MAGI3: variants seen among roughly 807,000 people sequenced by gnomAD.
The protein encoded by MAGI3 is membrane-associated guanylate kinase, WW and PDZ domain-containing protein 3.
In MAGI3, 43 loss-of-function variants were observed where a neutral mutation model predicts 121.8. The ratio of observed to expected loss-of-function variants is 0.35; its 90% CI spans 0.28 to 0.46. The LOEUF (loss-of-function observed/expected upper bound fraction) is 0.46. MAGI3 is among the 20% of genes least tolerant of loss of function. The pLI, the probability that MAGI3 is intolerant of heterozygous loss-of-function variation, is 1.00. For missense variants in MAGI3, 1,547 were observed against 1,797.3 expected (o/e 0.86, Z 2.52); for synonymous variants, 553 against 639.3 (o/e 0.86, Z 2.04).
At chr1:113,455,581 C>T (rs777423494) in intron 1 of MAGI3, among the ~76,000 whole-genome samples, 7 of 152,016 alleles carry the variant, frequency 4.6e-5, no homozygotes, top group Non-Finnish European at 1.0e-4. Flanking sequence ...ATACTGTTCT[C>T]TTTTGCACCA....
At chr1:113,458,742 C>A (rs867968941) in intron 1 of MAGI3, among the ~76,000 whole-genome samples, 1 of 152,138 alleles carries the variant, frequency 6.6e-6, no homozygotes, top group African/African-American at 2.4e-5. Context: ...GGCTGGAATG[C>A]AGTGGCACAA....
chr1:113,542,695 A>G (rs1020965501), intron 1 of MAGI3, among the ~76,000 whole-genome samples: 1 of 152,208 alleles, frequency 6.6e-6, no homozygotes, highest in Non-Finnish European at 1.5e-5. Context: ...TGTACTCTAT[A>G]AGCTTATGCA....
chr1:113,595,523 A>G (rs561327689), intron 6 of MAGI3, among the ~76,000 whole-genome samples: 2,620 of 111,462 alleles, frequency 0.024, 89 homozygotes, highest in African/African-American at 0.1. Context: ...AGTCCAATCT[A>G]TAAAAAGAAA....
At chr1:113,636,023 T>C (rs1236870370) in intron 9 of MAGI3, among the ~76,000 whole-genome samples, 5 of 152,190 alleles carry the variant, frequency 3.3e-5, no homozygotes, top group Admixed American at 6.5e-5. Flanking sequence ...TAGAGGTGTT[T>C]GTAGTATTCT....
chr1:113,446,243 G>A (rs1654173674), intron 1 of MAGI3, among the ~76,000 whole-genome samples: 2 of 152,150 alleles, frequency 1.3e-5, no homozygotes, highest in Non-Finnish European at 2.9e-5. Flanking sequence ...CAGCCAAAAG[G>A]GGAGGAAATG....
intron 1 of MAGI3, among the ~76,000 whole-genome samples, chr1:113,522,411 A>T (rs1031197502): frequency 6.6e-6 from 1 of 152,162 alleles, no homozygotes; most frequent in Non-Finnish European, 1.5e-5. Flanking sequence ...GGCCTGTCAT[A>T]TACTTTTTTA....
intron 1 of MAGI3, among the ~76,000 whole-genome samples, chr1:113,432,296 TGTTA>T (rs1653339191): frequency 6.6e-6 from 1 of 152,244 alleles, no homozygotes; most frequent in African/African-American, 2.4e-5. Flanking sequence ...CTTTTTATCA[TGTTA>T]GTTACCTTCA....
intron 7 of MAGI3, among the ~76,000 whole-genome samples, chr1:113,617,638 T>C (rs1232479335): frequency 3.9e-5 from 6 of 152,218 alleles, no homozygotes; most frequent in African/African-American, 9.6e-5. Flanking sequence ...ACTTTTTATG[T>C]TCTAATGCCT....
chr1:113,567,373 C>G (rs953850922), intron 2 of MAGI3, among the ~76,000 whole-genome samples: 9 of 152,042 alleles, frequency 5.9e-5, no homozygotes, highest in Middle Eastern at 3.2e-3. Context: ...CAGTCCTTCT[C>G]AAATTCTTCC....
At chr1:113,421,172 A>G (rs552556037) in intron 1 of MAGI3, among the ~76,000 whole-genome samples, 2 of 152,220 alleles carry the variant, frequency 1.3e-5, no homozygotes, top group East Asian at 1.9e-4. Flanking sequence ...CTATTTAAGT[A>G]TGACTTACTA....
At chr1:113,473,924 A>G (rs1048368436) in intron 1 of MAGI3, among the ~76,000 whole-genome samples, 3 of 152,082 alleles carry the variant, frequency 2.0e-5, no homozygotes, top group Non-Finnish European at 4.4e-5. Flanking sequence ...CCTCTCCACC[A>G]TCTGTTGTTT....
chr1:113,674,323 C>T, intron 19 of MAGI3, among the ~76,000 whole-genome samples: 1 of 143,272 alleles, frequency 7.0e-6, no homozygotes, highest in East Asian at 2.1e-4. Context: ...ACCTGGGAGG[C>T]AGAGGTCGGA....
At chr1:113,468,756 AAAT>A (rs987217809) in intron 1 of MAGI3, among the ~76,000 whole-genome samples, 3 of 152,346 alleles carry the variant, frequency 2.0e-5, no homozygotes, top group Admixed American at 2.0e-4. Flanking sequence ...TAAATTATTA[AAAT>A]AATTTCACCT....
At chr1:113,659,916 C>G (rs912853402) in intron 16 of MAGI3, among the ~76,000 whole-genome samples, 3 of 152,132 alleles carry the variant, frequency 2.0e-5, no homozygotes, top group Non-Finnish European at 4.4e-5. Context: ...ATGTAATGCT[C>G]TCATTTTTCC....
At chr1:113,649,404 G>A in intron 13 of MAGI3, 76 bp downstream of exon 13, 1 of 989,872 alleles carries the variant, frequency 1.0e-6, no homozygotes, top group Non-Finnish European at 1.5e-6. Context: ...ATTATGGTGT[G>A]TTTTAAGTTT....
chr1:113,653,806 C>A (rs775434974), intron 14 of MAGI3, 24 bp from the exon 15 acceptor site: 6 of 1,568,506 alleles, frequency 3.8e-6, no homozygotes, highest in Non-Finnish European at 5.2e-6. Context: ...CCAGACATAT[C>A]AAAACTGATC....
chr1:113,633,240 T>C (rs1233662018), intron 9 of MAGI3, among the ~76,000 whole-genome samples: 2 of 9,746 alleles, frequency 2.1e-4, no homozygotes, highest in Admixed American at 7.5e-4. Context: ...AACTCATCAT[T>C]TTTTTTTTTT....
chr1:113,665,766 C>T (rs998015073), intron 16 of MAGI3, among the ~76,000 whole-genome samples: 1 of 151,982 alleles, frequency 6.6e-6, no homozygotes, highest in Non-Finnish European at 1.5e-5. Context: ...TAAGGTGAGT[C>T]TCAATAGATT....
At chr1:113,457,091 C>T (rs554296950) in intron 1 of MAGI3, among the ~76,000 whole-genome samples, 26 of 152,220 alleles carry the variant, frequency 1.7e-4, no homozygotes, top group Non-Finnish European at 3.2e-4. Flanking sequence ...TTTCCAAGCT[C>T]CTTTGTGTTT....
Sources: allele counts gnomAD v4.1 joint callset (sites outside exome capture counted in the v4.1 genomes callset), GRCh38; gene constraint gnomAD v4.1.1; transcripts MANE v1.5; gene names NCBI Gene and HGNC (gene_info 2026-07-23, HGNC 2026-07-21).